The following MMP26 variants were observed in gnomAD, a reference collection of about 807,000 sequenced individuals.
MMP26 encodes the protein matrix metalloproteinase-26.
MMP26 carries 33 observed loss-of-function variants against 31.0 expected under a neutral mutation model. The ratio of observed to expected loss-of-function variants is 1.06; its 90% confidence interval spans 0.81 to 1.42. The LOEUF (loss-of-function observed/expected upper bound fraction) is 1.42. Among genes scored for constraint, MMP26 ranks in the 40% most tolerant of loss-of-function variants. MMP26 has a pLI of 0.00. For synonymous variants in MMP26, 122 were observed against 114.9 expected (o/e 1.06, Z -0.40); for missense variants, 347 against 316.1 (o/e 1.10, Z -0.74).
At chr11:4,811,341 C>T (rs1437252335) in intron 2 of MMP26, among the ~76,000 whole-genome samples, 1 of 152,070 alleles carries the variant, frequency 6.6e-6, no homozygotes, top group African/African-American at 2.4e-5. Flanking sequence ...AGTTTTTTAT[C>T]CTCACCTTCA....
Position 4,991,993 on chromosome 11 carries a change from G to C in MMP26, c.625G>C (p.Glu209Gln). ...GYNLFLVATH[E>Q]IGHSLGLQHS... is the part of the protein sequence containing the mutation. ...TAATCTGTTCCTGGTTGCAACTCAT[G>C]AGATTGGGCATTCTTTGGGCCTGCA... The change falls in exon 7 of 8, where the codon GAG becomes CAG. Residue 209 changes from glutamate to glutamine, a missense_variant. Physicochemically the swap from Glu to Gln is conservative, Grantham distance 29. Transcript: ENST00000380390. 6.2e-7 allele frequency: 1 copy of C among 1,607,594 alleles called. No individual in the cohort carries two copies. Among genetic ancestry groups the C allele is most frequent in the Non-Finnish European group, 8.5e-7 (1 of 1,178,414 alleles).
intron 2 of MMP26, among the ~76,000 whole-genome samples, chr11:4,924,525 C>A (rs151098544): frequency 1.2e-3 from 188 of 152,224 alleles, no homozygotes; most frequent in Non-Finnish European, 2.3e-3. Context: ...AGGAAGGAGA[C>A]TTTTGATGGA....
chr11:4,775,175 T>C (rs4910675), intron 2 of MMP26, among the ~76,000 whole-genome samples: 31,031 of 152,194 alleles, frequency 0.2, 3,476 homozygotes, highest in Middle Eastern at 0.32. Context: ...ATGTCAGTGG[T>C]AATTTATTGG....
At chr11:4,973,577 T>C (rs1040046826) in intron 2 of MMP26, 1 of 153,534 alleles carries the variant, frequency 6.5e-6, no homozygotes. Flanking sequence ...GATGAAAAAC[T>C]CTTGAGCAAT....
At chr11:4,711,908 T>C (rs1847867549) in intron 1 of MMP26, 1 of 152,204 alleles carries the variant, frequency 6.6e-6, no homozygotes, top group African/African-American at 2.4e-5. Flanking sequence ...TATTTTGCTC[T>C]CTCTGACTGA....
At chr11:4,880,619 A>G (rs555672219) in intron 2 of MMP26, among the ~76,000 whole-genome samples, 48 of 152,158 alleles carry the variant, frequency 3.2e-4, no homozygotes, top group Non-Finnish European at 5.6e-4. Context: ...ACTAGCATTG[A>G]GAGATTAAAA....
At chr11:4,990,125 G>A (rs1223501404) in intron 4 of MMP26, among the ~76,000 whole-genome samples, 1 of 152,132 alleles carries the variant, frequency 6.6e-6, no homozygotes, top group African/African-American at 2.4e-5. Flanking sequence ...TAATGCGTGA[G>A]TGTGTGGATG....
intron 1 of MMP26, among the ~76,000 whole-genome samples, chr11:4,718,172 A>T (rs923793249): frequency 1.3e-5 from 2 of 152,196 alleles, no homozygotes; most frequent in Admixed American, 1.3e-4. Flanking sequence ...AGCAGGAGAT[A>T]AAGAGAGGAT....
At chr11:4,707,242 C>T (rs1847792471) in intron 1 of MMP26, among the ~76,000 whole-genome samples, 1 of 152,112 alleles carries the variant, frequency 6.6e-6, no homozygotes, top group Non-Finnish European at 1.5e-5. Flanking sequence ...TTATATCTCA[C>T]TGTGATTTTG....
chr11:4,721,905 CTCACTA>C (rs1848018118), intron 1 of MMP26, among the ~76,000 whole-genome samples: 2 of 152,216 alleles, frequency 1.3e-5, no homozygotes, highest in Non-Finnish European at 2.9e-5. Flanking sequence ...ATAATGGTTT[CTCACTA>C]TCACCAGTCT....
intron 2 of MMP26, among the ~76,000 whole-genome samples, chr11:4,814,951 C>T (rs1278402723): frequency 2.0e-5 from 3 of 152,154 alleles, no homozygotes; most frequent in Admixed American, 6.5e-5. Context: ...TTGTGCCCAA[C>T]AGAGTCAGGG....
chr11:4,729,876 C>T (rs1848150141), intron 1 of MMP26, among the ~76,000 whole-genome samples: 1 of 151,860 alleles, frequency 6.6e-6, no homozygotes, highest in Non-Finnish European at 1.5e-5. Flanking sequence ...GGTCTGATGA[C>T]CTACGTGATG....
chr11:4,838,465 CT>C (rs1245766341), intron 2 of MMP26, among the ~76,000 whole-genome samples: 2 of 149,806 alleles, frequency 1.3e-5, no homozygotes, highest in East Asian at 4.1e-4. Flanking sequence ...GGAGATCAGT[CT>C]TTCAGAAGTA....
chr11:4,921,661 T>C (rs1851186263), intron 2 of MMP26, among the ~76,000 whole-genome samples: 1 of 152,228 alleles, frequency 6.6e-6, no homozygotes, highest in Admixed American at 6.5e-5. Flanking sequence ...TGTATGAATC[T>C]ACATATTTAA....
chr11:4,898,829 CTCTGTG>C (rs751744960), intron 2 of MMP26, among the ~76,000 whole-genome samples: 5,813 of 125,064 alleles, frequency 0.046, 156 homozygotes, highest in African/African-American at 0.078. Context: ...CTCTCTCTCT[CTCTGTG>C]TGTGTGTGTG....
At chr11:4,722,848 G>T in intron 1 of MMP26, 2 of 855,048 alleles carry the variant, frequency 2.3e-6, no homozygotes, top group South Asian at 2.6e-5. Context: ...CTGGAGCCGC[G>T]CCAGAGCCAA....
intron 2 of MMP26, chr11:4,881,671 T>C: frequency 1.9e-6 from 1 of 525,372 alleles, no homozygotes; most frequent in Non-Finnish European, 3.4e-6. Context: ...TAAAAAATAA[T>C]AGACTTTGGA....
At position 4,722,949 on chromosome 11, in the gene MMP26, T is replaced by C. The variant is rs146942123; in HGVS notation, c.-217+17904T>C. The C allele has an allele frequency of 4.3e-4, 340 of 790,656 alleles. 2 individuals carry two copies. The African/African-American group carries it at 5.3e-3, about 12-fold the overall frequency. The allele number at this position is 790,656 out of a possible 1,614,324, so 49.0% of individuals were successfully genotyped here. A position where few individuals can be genotyped will look rare whatever the true frequency, so the allele number is the denominator to read the frequency against. On this transcript the variant is annotated intron_variant, in intron 1 of 7. Coordinates refer to ENST00000380390, the MANE Select transcript of MMP26 (RefSeq NM_021801.5). ...CCTGCATAGACACTGGTGGTCTTTG[T>C]ATGGATACTCATGTTCTGCATCCCA...
chr11:4,774,323 CTGGTGTGAGA>C (rs1004157903), intron 2 of MMP26, among the ~76,000 whole-genome samples: 38 of 152,288 alleles, frequency 2.5e-4, no homozygotes, highest in African/African-American at 8.7e-4. Context: ...GCCATTCTGA[CTGGTGTGAGA>C]TGGTATCTCC....
Sources: allele counts gnomAD v4.1 joint callset (sites outside exome capture counted in the v4.1 genomes callset), GRCh38; gene constraint gnomAD v4.1.1; transcripts MANE v1.5; gene names NCBI Gene and HGNC (gene_info 2026-07-23, HGNC 2026-07-21).